Variants in NXPE2 observed in about 807,000 individuals in gnomAD.
NXPE2 encodes the protein neurexophilin and PC-esterase domain family member 2.
NXPE2 carries 34 observed loss-of-function variants against 34.4 expected under a neutral mutation model. That is an observed-to-expected ratio of 0.99 (90% CI 0.75 to 1.31). The LOEUF (loss-of-function observed/expected upper bound fraction) is 1.31. Ranked by LOEUF, NXPE2 falls within the 40% of genes most tolerant of loss-of-function variation. NXPE2 has a pLI of 0.00. For missense variants in NXPE2, 649 were observed against 672.5 expected (o/e 0.97, Z 0.39); for synonymous variants, 235 against 231.3 (o/e 1.02, Z -0.15).
At chr11:114,505,666 C>A in the NXPE2 span, among the ~76,000 whole-genome samples, 29 of 152,222 alleles carry the variant, frequency 1.9e-4, no homozygotes, top group African/African-American at 7.0e-4. Flanking sequence ...CCTTTTCAGA[C>A]AAGCAAATGC....
chr11:114,520,103 C>T, the NXPE2 span, among the ~76,000 whole-genome samples: 4 of 152,056 alleles, frequency 2.6e-5, no homozygotes, highest in Non-Finnish European at 4.4e-5. Context: ...TGCCTGGCCA[C>T]AATTACCTTT....
At chr11:114,640,126 TA>T in the NXPE2 span, among the ~76,000 whole-genome samples, 1 of 121,512 alleles carries the variant, frequency 8.2e-6, no homozygotes, top group African/African-American at 3.3e-5. Flanking sequence ...ATGTTATATG[TA>T]ATATATTATA....
chr11:114,490,507 T>A, the NXPE2 span, among the ~76,000 whole-genome samples: 5 of 152,100 alleles, frequency 3.3e-5, no homozygotes, highest in Admixed American at 3.3e-4. Context: ...AACAGAGATA[T>A]AGACCAATGG....
chr11:114,530,294 G>T, the NXPE2 span: 1 of 1,614,102 alleles, frequency 6.2e-7, no homozygotes, highest in African/African-American at 1.3e-5. Flanking sequence ...AGGCTTCTTG[G>T]TCTCTGTCAT....
At chr11:114,556,711 A>C in the NXPE2 span, among the ~76,000 whole-genome samples, 1 of 151,660 alleles carries the variant, frequency 6.6e-6, no homozygotes, top group Non-Finnish European at 1.5e-5. Flanking sequence ...TTTTTTCCAG[A>C]GTTTAATACT....
the NXPE2 span, among the ~76,000 whole-genome samples, chr11:114,739,262 A>G: frequency 6.6e-6 from 1 of 150,518 alleles, no homozygotes; most frequent in African/African-American, 2.5e-5. Flanking sequence ...AATTATTTTT[A>G]CTACTTATTG....
At chr11:114,614,904 C>G in the NXPE2 span, among the ~76,000 whole-genome samples, 3 of 151,832 alleles carry the variant, frequency 2.0e-5, no homozygotes, top group Middle Eastern at 6.8e-3. Context: ...CTAGGGTAAT[C>G]ACTGTTACCC....
chr11:114,758,484 G>A, the NXPE2 span, among the ~76,000 whole-genome samples: 3 of 152,170 alleles, frequency 2.0e-5, no homozygotes, highest in Admixed American at 6.5e-5. Flanking sequence ...ATTGAGATAT[G>A]TTGATAGACT....
At position 114,698,168 on chromosome 11, in the gene NXPE2, G is replaced by T. The variant is rs749949067; in HGVS notation, c.256G>T (p.Asp86Tyr). 6.2e-7 allele frequency: 1 copy of T among 1,614,132 alleles called. No individual in the cohort carries two copies. Among genetic ancestry groups the T allele is most frequent in the Non-Finnish European group, 8.5e-7 (1 of 1,180,008 alleles). ...AAAAGAGACTGAACTTAGAATAAAG[G>T]ACATTATGGAGAAACTAGACCAGCA... ...SPKETELRIK[D>Y]IMEKLDQQIP... Residue 86 changes from aspartate (D) to tyrosine (Y), a missense_variant, in exon 3 of 6, where the codon GAC (aspartate) becomes TAC (tyrosine). By Grantham distance (160) the Asp-to-Tyr change is radical. Transcript: ENST00000389586.
chr11:114,503,350 A>G, the NXPE2 span, among the ~76,000 whole-genome samples: 1 of 152,208 alleles, frequency 6.6e-6, no homozygotes, highest in African/African-American at 2.4e-5. Context: ...AGTCACACAG[A>G]TAAAAGGAAC....
the NXPE2 span, among the ~76,000 whole-genome samples, chr11:114,540,644 A>G: frequency 2.0e-5 from 3 of 151,970 alleles, no homozygotes; most frequent in Admixed American, 6.6e-5. Flanking sequence ...TCAGATTGCA[A>G]TGTTCAACTC....
the NXPE2 span, among the ~76,000 whole-genome samples, chr11:114,798,817 T>C: frequency 6.6e-6 from 1 of 152,232 alleles, no homozygotes; most frequent in Non-Finnish European, 1.5e-5. Flanking sequence ...ATCTAGTCCC[T>C]TGATCTTCCT....
chr11:114,693,105 A>C (rs1951183954), intron 2 of NXPE2, among the ~76,000 whole-genome samples: 2 of 152,104 alleles, frequency 1.3e-5, no homozygotes, highest in Non-Finnish European at 1.5e-5. Context: ...TATCCAAACT[A>C]TTTTCTTCAA....
the NXPE2 span, among the ~76,000 whole-genome samples, chr11:114,469,370 C>T: frequency 2.0e-5 from 3 of 151,506 alleles, no homozygotes; most frequent in Admixed American, 2.0e-4. Context: ...GCCTCAGCCT[C>T]CCAAAGTGCT....
At chr11:114,634,953 T>A in the NXPE2 span, among the ~76,000 whole-genome samples, 1 of 152,028 alleles carries the variant, frequency 6.6e-6, no homozygotes, top group East Asian at 1.9e-4. Context: ...GAGGGCCCTT[T>A]TTTGGTTCCA....
the NXPE2 span, among the ~76,000 whole-genome samples, chr11:114,756,971 A>G: frequency 1.3e-5 from 2 of 152,280 alleles, no homozygotes; most frequent in Admixed American, 6.5e-5. Flanking sequence ...CAGGATTAGT[A>G]GACTTGGCAG....
the NXPE2 span, among the ~76,000 whole-genome samples, chr11:114,636,094 C>T: frequency 2.5e-4 from 1 of 4,036 alleles, no homozygotes; most frequent in Non-Finnish European, 4.0e-4. Flanking sequence ...CCATCTGGTC[C>T]TGGACTCTTT....
chr11:114,493,899 A>C, the NXPE2 span, among the ~76,000 whole-genome samples: 1 of 152,168 alleles, frequency 6.6e-6, no homozygotes, highest in East Asian at 1.9e-4. Context: ...TCTGGTATTG[A>C]TGAAATCCTT....
the NXPE2 span, among the ~76,000 whole-genome samples, chr11:114,612,163 GATA>G: frequency 2.0e-5 from 3 of 151,970 alleles, no homozygotes; most frequent in Non-Finnish European, 4.4e-5. Context: ...TTGCCCAGTG[GATA>G]ATAAGTGTTG....
Sources: gnomAD v4.1 joint callset for allele counts (sites outside exome capture counted in the v4.1 genomes callset) on GRCh38, gnomAD v4.1.1 for gene constraint, MANE v1.5 for transcripts, NCBI Gene and HGNC (gene_info 2026-07-23, HGNC 2026-07-21) for gene names.